The following TJP2 variants were observed in gnomAD, a reference collection of about 807,000 sequenced individuals.
TJP2 encodes tight junction protein 2.
A neutral mutation model predicts 133.1 loss-of-function variants in TJP2; 91 were observed. The observed-to-expected ratio is 0.68, with a 90% CI of 0.58 to 0.81. TJP2 has a LOEUF of 0.81. Ranked by LOEUF, TJP2 falls within the 40% of genes least tolerant of loss-of-function variation. The pLI is 0.00. For synonymous variants in TJP2, 592 were observed against 583.4 expected (o/e 1.01, Z -0.21); for missense variants, 1,541 against 1,565.6 (o/e 0.98, Z 0.26).
chr9:69,227,917 T>C (rs771616436), intron 8 of TJP2, 44 bp downstream of exon 8: 3 of 1,613,106 alleles, frequency 1.9e-6, no homozygotes, highest in South Asian at 1.1e-5. Flanking sequence ...ATTGTGAATG[T>C]ACACACATAT....
intron 2 of TJP2, among the ~76,000 whole-genome samples, chr9:69,165,863 C>G (rs553166288): frequency 6.6e-6 from 1 of 152,324 alleles, no homozygotes; most frequent in Non-Finnish European, 1.5e-5. Flanking sequence ...CCATAGGATG[C>G]TTCTTGGCTT....
At chr9:69,224,824 A>G (rs1829211913) in intron 5 of TJP2, among the ~76,000 whole-genome samples, 1 of 148,666 alleles carries the variant, frequency 6.7e-6, no homozygotes, top group African/African-American at 2.5e-5. Context: ...CCTTCCTGTT[A>G]CCTCTCTCAG....
At chr9:69,248,373 G>T in intron 19 of TJP2, 149 bp downstream of exon 19, 1 of 1,444,900 alleles carries the variant, frequency 6.9e-7, no homozygotes. Context: ...TTGAGTCCAC[G>T]CTGGCATGGT....
intron 16 of TJP2, among the ~76,000 whole-genome samples, chr9:69,239,121 G>A (rs540408890): frequency 2.6e-5 from 4 of 152,268 alleles, no homozygotes; most frequent in East Asian, 3.9e-4. Context: ...CTCAGGAGGC[G>A]GAGTTTGCAG....
In TJP2 at chr9:69,254,466, A is replaced by G; in HGVS notation, c.*92A>G. ...CCGGGATGGTTCTTCTCCAGTTAGA[A>G]TGCACCATGGAGACGTGGTGGGACT... On this transcript the variant is annotated 3_prime_UTR_variant, in exon 23 of 23. Transcript: ENST00000377245. The G allele has an allele frequency of 6.5e-7, 1 of 1,541,632 alleles. No homozygotes were observed. The highest frequency in any genetic ancestry group is 1.1e-5 in the South Asian group (1 of 88,778).
chr9:69,210,364 G>A (rs996354300), intron 1 of TJP2, among the ~76,000 whole-genome samples: 2 of 137,634 alleles, frequency 1.5e-5, no homozygotes, highest in African/African-American at 5.5e-5. Flanking sequence ...AATGAATAGT[G>A]TATCCATCTC....
chr9:69,236,281 C>T (rs772730010), intron 13 of TJP2, 43 bp downstream of exon 13: 3 of 1,603,912 alleles, frequency 1.9e-6, no homozygotes, highest in Non-Finnish European at 2.6e-6. Context: ...TAATCCTTCC[C>T]CCTGCAGAAA....
chr9:69,129,996 C>G (rs1413423063), intron 1 of TJP2, among the ~76,000 whole-genome samples: 2 of 89,366 alleles, frequency 2.2e-5, no homozygotes, highest in African/African-American at 9.2e-5. Context: ...GCCTGGGGGA[C>G]AAGAGCGAAA....
chr9:69,230,646 G>C (rs140547596), intron 11 of TJP2, among the ~76,000 whole-genome samples: 176 of 152,242 alleles, frequency 1.2e-3, no homozygotes, highest in African/African-American at 4.0e-3. Context: ...CATCAGACTG[G>C]GTGATTGGAA....
At chr9:69,188,023 C>T (rs1408938711) in intron 1 of TJP2, among the ~76,000 whole-genome samples, 4 of 152,122 alleles carry the variant, frequency 2.6e-5, no homozygotes, top group South Asian at 4.1e-4. Flanking sequence ...TGTGCATTAG[C>T]GGAGCTTATA....
intron 1 of TJP2, among the ~76,000 whole-genome samples, chr9:69,142,876 G>T (rs1823069745): frequency 6.6e-6 from 1 of 152,136 alleles, no homozygotes; most frequent in Non-Finnish European, 1.5e-5. Context: ...AATAGTTCCA[G>T]TTATAAACAA....
At chr9:69,234,951 T>G (rs185674987) in intron 12 of TJP2, among the ~76,000 whole-genome samples, 279 of 152,252 alleles carry the variant, frequency 1.8e-3, no homozygotes, top group Middle Eastern at 3.4e-3. Context: ...ATCTGTTAAG[T>G]GGGTGTTGAG....
intron 16 of TJP2, among the ~76,000 whole-genome samples, chr9:69,239,575 C>T (rs1830442162): frequency 7.2e-5 from 11 of 152,158 alleles, no homozygotes; most frequent in Admixed American, 7.2e-4. Flanking sequence ...CTTTGGGAGG[C>T]AGAGGCGGGC....
intron 5 of TJP2, among the ~76,000 whole-genome samples, chr9:69,223,827 G>A (rs529987237): frequency 2.0e-5 from 3 of 152,308 alleles, no homozygotes; most frequent in African/African-American, 7.2e-5. Flanking sequence ...TCTAATCTTT[G>A]TGGTAAGATC....
In TJP2 at chr9:69,216,463, A is replaced by G. The variant is rs1828384238; in HGVS notation, c.239A>G (p.Gln80Arg). 1.2e-6 allele frequency: 2 copies of G among 1,613,988 alleles called. No individual in the cohort carries two copies. The highest frequency in any genetic ancestry group is 1.7e-6 in the Non-Finnish European group (2 of 1,180,022). Residue 80 changes from glutamine to arginine, a missense_variant and splice_region_variant, in exon 3 of 23, where the codon CAA (glutamine) becomes CGA (arginine). Gln to Arg is a conservative substitution (Grantham distance 43, BLOSUM62 1). Coordinates refer to ENST00000377245, the MANE Select transcript of TJP2 (RefSeq NM_004817.4). ...LPGGPADGLL[Q>R]ENDRVVMVNG... is the part of the protein sequence containing the mutation. ...GGTGGGCCTGCTGATGGGCTGCTCCAGTGAGTGTCCTCCCTCGCTCCGCAG... is the reference window on the plus strand; with the variant it reads ...GGTGGGCCTGCTGATGGGCTGCTCCGGTGAGTGTCCTCCCTCGCTCCGCAG...
chr9:69,178,220 T>C (rs989793895), intron 1 of TJP2, among the ~76,000 whole-genome samples: 13 of 152,180 alleles, frequency 8.5e-5, no homozygotes, highest in Non-Finnish European at 1.6e-4. Flanking sequence ...CTTTCCAAAG[T>C]CTGGTATACA....
At chr9:69,205,439 T>A in intron 1 of TJP2, 1 of 1,064,778 alleles carries the variant, frequency 9.4e-7, no homozygotes, top group Non-Finnish European at 1.3e-6. Context: ...CAGATCTATG[T>A]GAAACTGATA....
intron 20 of TJP2, among the ~76,000 whole-genome samples, chr9:69,250,620 A>G (rs1377563713): frequency 6.6e-6 from 1 of 152,194 alleles, no homozygotes; most frequent in African/African-American, 2.4e-5. Context: ...CCTCAGCTGG[A>G]CATGGGTCTC....
chr9:69,145,807 G>C, intron 1 of TJP2: 1 of 1,232,036 alleles, frequency 8.1e-7, no homozygotes, highest in Non-Finnish European at 1.0e-6. Flanking sequence ...GTGAACCTTT[G>C]GCAACAACCT....
Sources: allele counts gnomAD v4.1 joint callset (sites outside exome capture counted in the v4.1 genomes callset), GRCh38; gene constraint gnomAD v4.1.1; transcripts MANE v1.5; gene names NCBI Gene and HGNC (gene_info 2026-07-23, HGNC 2026-07-21).